ERAP1: variants seen among roughly 807,000 people sequenced by gnomAD.
ERAP1 encodes the protein endoplasmic reticulum aminopeptidase 1.
ERAP1 carries 86 observed loss-of-function variants against 103.7 expected under a neutral mutation model. That is an observed-to-expected ratio of 0.83 (90% CI 0.70 to 0.99). The LOEUF is 0.99. Ranked by LOEUF, ERAP1 falls within the 50% of genes least tolerant of loss-of-function variation. The probability of loss-of-function intolerance (pLI) is 0.00; values close to 1 mark genes in which losing one functional copy is unlikely to be tolerated. For synonymous variants in ERAP1, 398 were observed against 402.4 expected (o/e 0.99, Z 0.13); for missense variants, 1,009 against 1,128.4 (o/e 0.89, Z 1.52).
the ERAP1 span, chr5:96,917,712 C>T: frequency 1.2e-6 from 1 of 828,726 alleles, no homozygotes; most frequent in Non-Finnish European, 1.8e-6. Context: ...GGAGACCATC[C>T]TGGCTAACAC....
chr5:96,917,438 ATT>A, the ERAP1 span: 3 of 1,602,182 alleles, frequency 1.9e-6, no homozygotes, highest in Non-Finnish European at 2.6e-6. Flanking sequence ...AGTGTTAGTA[ATT>A]TTTTTCTTCA....
the ERAP1 span, among the ~76,000 whole-genome samples, chr5:96,826,877 A>C: frequency 6.6e-6 from 1 of 152,232 alleles, no homozygotes; most frequent in Non-Finnish European, 1.5e-5. Context: ...AACTATAGGG[A>C]AAACTATACT....
Position 96,793,800 on chromosome 5 carries a change from T to C in ERAP1, c.1074+3A>G, listed in dbSNP as rs1250790746. ...TTTATTAAAAGTGTGAATGAGCTTA[T>C]ACCTGGTGAGCCAGTTCATGGGCCA... is the stretch of plus-strand genomic sequence containing the variant. On this transcript the variant is annotated splice_donor_region_variant and intron_variant, in intron 6 of 18. Transcript: ENST00000443439. The C allele has an allele frequency of 3.1e-6, 5 of 1,612,486 alleles. No individual in the cohort carries two copies. The highest frequency in any genetic ancestry group is 4.2e-6 in the Non-Finnish European group (5 of 1,178,628).
chr5:96,933,211 C>CTTTTTTTTTTTT, the ERAP1 span, among the ~76,000 whole-genome samples: 2 of 72,810 alleles, frequency 2.7e-5, no homozygotes, highest in African/African-American at 6.0e-5. Context: ...AAAACCACGT[C>CTTTTTTTTTTTT]TTTTTTTTTT....
At chr5:96,791,314 A>C (rs1776707792) in intron 8 of ERAP1, among the ~76,000 whole-genome samples, 1 of 152,254 alleles carries the variant, frequency 6.6e-6, no homozygotes, top group Admixed American at 6.5e-5. Flanking sequence ...CAAGGATAAG[A>C]AGAATGCTCT....
At chr5:96,797,078 G>T in intron 4 of ERAP1, 97 bp downstream of exon 4, 1 of 1,447,080 alleles carries the variant, frequency 6.9e-7, no homozygotes, top group Admixed American at 1.8e-5. Context: ...GGGTTTACAC[G>T]CACGACCCAC....
chr5:96,817,444 A>G, the ERAP1 span, among the ~76,000 whole-genome samples: 8 of 152,376 alleles, frequency 5.3e-5, no homozygotes, highest in East Asian at 1.5e-3. Flanking sequence ...TAAGAAAAAG[A>G]AAAATAACAC....
the ERAP1 span, among the ~76,000 whole-genome samples, chr5:96,923,352 G>T: frequency 7.2e-4 from 109 of 152,240 alleles, 1 homozygote; most frequent in African/African-American, 2.5e-3. Context: ...AGAAATAACA[G>T]CAACAGTGCT....
the ERAP1 span, among the ~76,000 whole-genome samples, chr5:96,882,922 C>T: frequency 1.3e-5 from 2 of 152,148 alleles, no homozygotes; most frequent in Non-Finnish European, 2.9e-5. Flanking sequence ...AAAATCTGCT[C>T]TCCAAATTCA....
the ERAP1 span, among the ~76,000 whole-genome samples, chr5:96,832,378 G>A: frequency 6.6e-6 from 1 of 152,140 alleles, no homozygotes; most frequent in African/African-American, 2.4e-5. Flanking sequence ...TTAAATCAAT[G>A]GGTAGAATAG....
the ERAP1 span, among the ~76,000 whole-genome samples, chr5:96,889,862 A>G: frequency 1.6e-4 from 23 of 144,588 alleles, no homozygotes; most frequent in East Asian, 4.1e-3. Context: ...ACACACACAC[A>G]CGCATTGCAT....
At chr5:96,792,233 A>G (rs1232031529) in intron 7 of ERAP1, 41 bp from the exon 8 acceptor site, 1 of 1,602,832 alleles carries the variant, frequency 6.2e-7, no homozygotes, top group Non-Finnish European at 8.5e-7. Context: ...TATGATTTAC[A>G]TTTAGATAAA....
At chr5:96,893,652 C>T in the ERAP1 span, among the ~76,000 whole-genome samples, 4 of 152,188 alleles carry the variant, frequency 2.6e-5, no homozygotes, top group Non-Finnish European at 5.9e-5. Flanking sequence ...TTCTCTTCCA[C>T]GGAGATGCAG....
chr5:96,779,392 T>C (rs955150744), intron 18 of ERAP1: 1 of 152,246 alleles, frequency 6.6e-6, no homozygotes, highest in Non-Finnish European at 1.5e-5. Context: ...ACAGAGTATC[T>C]CTGCTCTAGA....
chr5:96,909,710 T>C, the ERAP1 span: 1 of 1,614,188 alleles, frequency 6.2e-7, no homozygotes, highest in Non-Finnish European at 8.5e-7. Context: ...GCTCCTTGCA[T>C]CCAGAAAGCT....
the ERAP1 span, chr5:96,822,828 A>C: frequency 3.5e-6 from 1 of 286,720 alleles, no homozygotes; most frequent in Non-Finnish European, 7.0e-6. Flanking sequence ...ACACATGTTT[A>C]TTATCTCACA....
chr5:96,830,176 G>A, the ERAP1 span, among the ~76,000 whole-genome samples: 3 of 152,184 alleles, frequency 2.0e-5, no homozygotes, highest in Non-Finnish European at 2.9e-5. Flanking sequence ...GATAAACCTA[G>A]AAGGAAAGTA....
intron 2 of ERAP1, among the ~76,000 whole-genome samples, chr5:96,801,336 T>C (rs1391707183): frequency 6.6e-6 from 1 of 151,638 alleles, no homozygotes; most frequent in African/African-American, 2.4e-5. Flanking sequence ...TGCAGGCCTG[T>C]AGTCCCAGCT....
At chr5:96,813,964 A>G in the ERAP1 span, 1 of 171,824 alleles carries the variant, frequency 5.8e-6, no homozygotes, top group East Asian at 1.7e-4. Context: ...CTTTGGAGGA[A>G]AAGTGTCTCT....
Sources: gnomAD v4.1 joint callset for allele counts (sites outside exome capture counted in the v4.1 genomes callset) on GRCh38, gnomAD v4.1.1 for gene constraint, MANE v1.5 for transcripts, NCBI Gene and HGNC (gene_info 2026-07-23, HGNC 2026-07-21) for gene names.